The following HECA variants were observed in gnomAD, a reference collection of about 807,000 sequenced individuals.
The protein encoded by HECA is headcase protein homolog.
Under a neutral mutation model 37.6 loss-of-function variants are expected in HECA, and 13 were observed. That is an observed-to-expected ratio of 0.35 (90% CI 0.23 to 0.55). The LOEUF (loss-of-function observed/expected upper bound fraction) is 0.55, where lower values mean the gene tolerates loss of function less well. HECA is among the 20% of genes least tolerant of loss of function. The pLI is 0.90. For missense variants in HECA, 527 were observed against 701.9 expected, an observed-to-expected ratio of 0.75 and a Z score of 2.82; for synonymous variants, 307 against 291.5, an observed-to-expected ratio of 1.05 and a Z score of -0.54.
At chr6:139,152,884 A>G (rs1228026141) in intron 1 of HECA, 1 of 152,176 alleles carries the variant, frequency 6.6e-6, no homozygotes, top group African/African-American at 2.4e-5. Flanking sequence ...GTGGGTACAT[A>G]GTAGTATATA....
At chr6:139,152,719 T>C (rs1185779660) in intron 1 of HECA, among the ~76,000 whole-genome samples, 1 of 152,196 alleles carries the variant, frequency 6.6e-6, no homozygotes, top group Non-Finnish European at 1.5e-5. Context: ...AGCCTTCCTT[T>C]ATGTGTAGTG....
chr6:139,135,639 G>T lies in HECA; in HGVS notation c.243G>T (p.Gly81=). 1.0e-6 allele frequency: 1 copy of T among 975,044 alleles called. No homozygotes were observed. The highest frequency in any genetic ancestry group is 4.7e-5 in the South Asian group (1 of 21,350). 60.4% of individuals were successfully genotyped at this position (975,044 alleles called of 1,614,324 possible). A position where few individuals can be genotyped will look rare whatever the true frequency, so the allele number is the denominator to read the frequency against. The change falls in exon 1 of 4, where the codon GGG becomes GGT. Residue 81 remains glycine, a synonymous_variant. Transcript: ENST00000367658. The stretch of plus-strand genomic sequence containing the variant: ...CCGCGAACGCTGCGGCCGCCGCGGG[G>T]GCTGCGGCCGCGGGCGATGCCAAAA... The part of the protein sequence containing the change: ...TGAANAAAAA[G]AAAAGDAKNE...
intron 1 of HECA, chr6:139,159,237 A>G (rs1774761793): frequency 6.6e-6 from 1 of 152,206 alleles, no homozygotes; most frequent in Admixed American, 6.5e-5. Context: ...CATCTCCCAC[A>G]GTCTGGAGTC....
At chr6:139,142,685 C>T (rs995800147) in intron 1 of HECA, among the ~76,000 whole-genome samples, 26 of 152,136 alleles carry the variant, frequency 1.7e-4, no homozygotes, top group African/African-American at 6.3e-4. Context: ...TGGTGGCTCA[C>T]GACTGTAATC....
intron 2 of HECA, among the ~76,000 whole-genome samples, chr6:139,172,547 A>C (rs1247899380): frequency 6.6e-6 from 1 of 152,216 alleles, no homozygotes; most frequent in Admixed American, 6.5e-5. Flanking sequence ...CTTCTTTACC[A>C]CTTTGAACCA....
chr6:139,159,845 C>T (rs1472579256), intron 1 of HECA, among the ~76,000 whole-genome samples: 1 of 152,242 alleles, frequency 6.6e-6, no homozygotes, highest in Non-Finnish European at 1.5e-5. Context: ...TTCCACCCAA[C>T]TCCCCACCTG....
intron 1 of HECA, among the ~76,000 whole-genome samples, chr6:139,143,589 G>A (rs749177433): frequency 2.0e-5 from 3 of 152,144 alleles, no homozygotes; most frequent in African/African-American, 7.2e-5. Flanking sequence ...GCTGCCAGGC[G>A]TGGTGGCTCA....
chr6:139,165,994 G>A (rs558549439), intron 1 of HECA: 6 of 289,868 alleles, frequency 2.1e-5, no homozygotes, highest in African/African-American at 1.1e-4. Flanking sequence ...ACGAGAAATC[G>A]GTATGAGACC....
At chr6:139,156,892 T>G (rs888095890) in intron 1 of HECA, among the ~76,000 whole-genome samples, 1 of 152,186 alleles carries the variant, frequency 6.6e-6, no homozygotes, top group African/African-American at 2.4e-5. Context: ...AAAATACATA[T>G]TGTTACAGGA....
rs1436201531 is a variant in HECA at position 139,177,377 on chromosome 6, T to G, written c.*272T>G. 2 of 251,268 alleles carry G rather than the reference T, an allele frequency of 8.0e-6. No individual in the cohort carries two copies. The highest frequency in any genetic ancestry group is 7.6e-6 in the Non-Finnish European group (1 of 132,380). 15.6% of individuals were successfully genotyped at this position (251,268 alleles called of 1,614,324 possible). ...AATCTTTGATGCAGCTTTAAGATGG[T>G]GGGGAGGATGGGGTGAATTTAGGAA... On this transcript the variant is annotated 3_prime_UTR_variant, in exon 4 of 4. Transcript: ENST00000367658. The surrounding 1 kb of genome is among the most constrained non-coding windows in gnomAD (Gnocchi z 4.9).
chr6:139,136,704 G>A (rs375412722), intron 1 of HECA, among the ~76,000 whole-genome samples: 13 of 151,284 alleles, frequency 8.6e-5, no homozygotes, highest in African/African-American at 3.2e-4. Flanking sequence ...GCGCAATCTC[G>A]GCTCACTGCA....
intron 1 of HECA, chr6:139,144,754 G>C (rs528574995): frequency 6.6e-6 from 1 of 152,370 alleles, no homozygotes; most frequent in South Asian, 2.1e-4. Context: ...GGTGGAGCCT[G>C]CCATGGACCC....
chr6:139,142,027 C>T (rs1582934779), intron 1 of HECA, among the ~76,000 whole-genome samples: 1 of 146,680 alleles, frequency 6.8e-6, no homozygotes, highest in East Asian at 2.0e-4. Context: ...CCTGGGTTCA[C>T]GCCATTCTCC....
chr6:139,156,479 G>A (rs1015261478), intron 1 of HECA, among the ~76,000 whole-genome samples: 5 of 152,206 alleles, frequency 3.3e-5, no homozygotes, highest in African/African-American at 1.2e-4. Flanking sequence ...TAAAATGCTG[G>A]AATTATAAGC....
chr6:139,160,990 C>T (rs921577110), intron 1 of HECA, among the ~76,000 whole-genome samples: 1 of 152,118 alleles, frequency 6.6e-6, no homozygotes, highest in Non-Finnish European at 1.5e-5. Context: ...GCATCAGACA[C>T]CTCTCTTCTG....
chr6:139,156,514 G>C (rs1299275646), intron 1 of HECA, among the ~76,000 whole-genome samples: 1 of 152,154 alleles, frequency 6.6e-6, no homozygotes, highest in African/African-American at 2.4e-5. Flanking sequence ...CCAGCCTGTA[G>C]CTTTCAAAAT....
At position 139,135,634 on chromosome 6, in the gene HECA, G is replaced by C; in HGVS notation, c.238G>C (p.Ala80Pro). The C allele has an allele frequency of 1.0e-6, 1 of 973,690 alleles. No individual in the cohort carries two copies. Among genetic ancestry groups the C allele is most frequent in the South Asian group, 4.7e-5 (1 of 21,250 alleles). The allele number at this position is 973,690 out of a possible 1,614,324, so 60.3% of individuals were successfully genotyped here. A position where few individuals can be genotyped will look rare whatever the true frequency, so the allele number is the denominator to read the frequency against. ...GTGAANAAAAAGAAAAGDAKN... is the reference protein window; with the variant it reads ...GTGAANAAAAPGAAAAGDAKN... The stretch of plus-strand genomic sequence containing the variant: ...TGGCGCCGCGAACGCTGCGGCCGCC[G>C]CGGGGGCTGCGGCCGCGGGCGATGC... Residue 80 changes from alanine (A) to proline (P), a missense_variant, in exon 1 of 4, where the codon GCG becomes CCG. By Grantham distance (27) the Ala-to-Pro change is conservative (BLOSUM62 -1). Around this residue, in one of 4 missense-constraint regions of HECA, gnomAD observed 172 missense variants for 197.6 expected, o/e 0.87. Coordinates refer to ENST00000367658, the MANE Select transcript of HECA (RefSeq NM_016217.3).
intron 1 of HECA, among the ~76,000 whole-genome samples, chr6:139,137,399 A>G (rs188262049): frequency 4.5e-4 from 69 of 152,250 alleles, no homozygotes; most frequent in African/African-American, 1.7e-3. Context: ...AGTTCTTGTT[A>G]TTTTAAAGGT....
chr6:139,143,827 C>T (rs945175232), intron 1 of HECA, among the ~76,000 whole-genome samples: 2 of 149,866 alleles, frequency 1.3e-5, no homozygotes, highest in Non-Finnish European at 3.0e-5. Flanking sequence ...CGCCACTGCA[C>T]TCCAGTCTGG....
Sources: allele counts gnomAD v4.1 joint callset (sites outside exome capture counted in the v4.1 genomes callset), GRCh38; gene constraint gnomAD v4.1.1; regional missense constraint gnomAD v4.1.1; non-coding constraint Gnocchi (gnomAD v3.1); transcripts MANE v1.5; gene names NCBI Gene and HGNC (gene_info 2026-07-23, HGNC 2026-07-21).